The following CDH4 variants were observed in gnomAD, a reference collection of about 807,000 sequenced individuals.
The protein encoded by CDH4 is cadherin 4.
Under a neutral mutation model 86.0 loss-of-function variants are expected in CDH4, and 33 were observed. The observed-to-expected ratio is 0.38, with a 90% CI of 0.29 to 0.51. The LOEUF (loss-of-function observed/expected upper bound fraction) is 0.51, where lower values mean the gene tolerates loss of function less well. Ranked by LOEUF, CDH4 falls within the 20% of genes least tolerant of loss-of-function variation. The pLI is 0.86. For synonymous variants in CDH4, 555 were observed against 549.4 expected (o/e 1.01, Z -0.14); for missense variants, 1,114 against 1,307.4 (o/e 0.85, Z 2.28).
intron 2 of CDH4, among the ~76,000 whole-genome samples, chr20:61,700,519 C>T (rs1190275744): frequency 2.6e-5 from 4 of 152,162 alleles, no homozygotes; most frequent in Non-Finnish European, 2.9e-5. Flanking sequence ...GGGCAGGAAC[C>T]CAGAGAGGTC....
chr20:61,304,594 G>A (rs568967830), intron 2 of CDH4, among the ~76,000 whole-genome samples: 3 of 152,222 alleles, frequency 2.0e-5, no homozygotes, highest in Admixed American at 2.0e-4. Context: ...GCCTGGCTGT[G>A]CCATAACAAT....
intron 2 of CDH4, among the ~76,000 whole-genome samples, chr20:61,620,360 G>A (rs2086765923): frequency 6.7e-6 from 1 of 150,246 alleles, no homozygotes. Flanking sequence ...AGATGATGAT[G>A]ATGGATGATA....
chr20:61,686,948 G>A (rs1305761955), intron 2 of CDH4, among the ~76,000 whole-genome samples: 1 of 57,310 alleles, frequency 1.7e-5, no homozygotes, highest in African/African-American at 7.0e-5. Context: ...CCCGCCCCCC[G>A]ACCCAGCAAC....
At chr20:61,808,735 A>G (rs1980271993) in intron 4 of CDH4, among the ~76,000 whole-genome samples, 1 of 152,242 alleles carries the variant, frequency 6.6e-6, no homozygotes, top group Admixed American at 6.5e-5. Flanking sequence ...GCGTTCCTGC[A>G]TATTGTCCAG....
chr20:61,837,184 C>A (rs1390681266), intron 4 of CDH4, among the ~76,000 whole-genome samples: 1 of 152,144 alleles, frequency 6.6e-6, no homozygotes, highest in Non-Finnish European at 1.5e-5. Context: ...CAGAGCAAGA[C>A]CCTGTCTCAA....
At chr20:61,325,150 A>G (rs991419613) in intron 2 of CDH4, among the ~76,000 whole-genome samples, 3 of 152,082 alleles carry the variant, frequency 2.0e-5, no homozygotes, top group African/African-American at 7.2e-5. Flanking sequence ...CCTGACGCAC[A>G]GCCAGCCATC....
At position 61,661,414 on chromosome 20, in the gene CDH4, C is replaced by A. The variant is rs186398036; in HGVS notation, c.170-82149C>A. Reference sequence around the variant, plus strand: ...AATGTCGCAAACCAAAACTAAGTCTCTGTTAGAACAAGGTGGTGCTCTCAG... The same window carrying A: ...AATGTCGCAAACCAAAACTAAGTCTATGTTAGAACAAGGTGGTGCTCTCAG... On this transcript the variant is annotated intron_variant, in intron 2 of 15. Transcript: ENST00000614565. 3.9e-4 allele frequency among the ~76,000 whole-genome samples: 58 copies of A among 150,532 alleles called. No homozygotes were observed. The East Asian group carries it at 9.0e-3, about 23-fold the overall frequency.
chr20:61,666,832 G>A (rs527990572), intron 2 of CDH4, among the ~76,000 whole-genome samples: 1 of 152,382 alleles, frequency 6.6e-6, no homozygotes, highest in African/African-American at 2.4e-5. Context: ...GGGTGAAAGA[G>A]GCATGAATCC....
Position 61,774,150 on chromosome 20 carries a change from G to C in CDH4, c.576+968G>C, listed in dbSNP as rs567929708. Among the ~76,000 whole-genome samples the C allele has an allele frequency of 2.0e-5, 3 of 152,364 alleles. No individual in the cohort carries two copies. The South Asian group carries it at 6.2e-4, about 32-fold the overall frequency. On this transcript the variant is annotated intron_variant, in intron 4 of 15. Transcript: ENST00000614565. The stretch of plus-strand genomic sequence containing the variant: ...ATGTATCACCTGCCTTCTCTGCACA[G>C]AGCCGGCCCTCCCACCTCAGCACCC...
chr20:61,630,280 C>A (rs1273207310), intron 2 of CDH4, among the ~76,000 whole-genome samples: 3 of 152,192 alleles, frequency 2.0e-5, no homozygotes, highest in Admixed American at 1.3e-4. Context: ...CATGGCTGTA[C>A]CTGATACACC....
rs1442324555 is a variant in CDH4 at position 61,435,365 on chromosome 20, C to T, written c.169+180428C>T. Among the ~76,000 whole-genome samples, 4 of 152,356 alleles carry T rather than the reference C, an allele frequency of 2.6e-5. No homozygotes were observed. The East Asian group carries it at 7.7e-4, about 29-fold the overall frequency. ...GAGGGTTGGACCTGCACCTGTGAAACCACAGCCCTGGGGCATGGCTTCTGA... is the reference window on the plus strand; with the variant it reads ...GAGGGTTGGACCTGCACCTGTGAAATCACAGCCCTGGGGCATGGCTTCTGA... On this transcript the variant is annotated intron_variant, in intron 2 of 15. Transcript: ENST00000614565.
At chr20:61,344,501 T>C (rs755435469) in intron 2 of CDH4, among the ~76,000 whole-genome samples, 6 of 152,234 alleles carry the variant, frequency 3.9e-5, no homozygotes, top group Non-Finnish European at 7.3e-5. Flanking sequence ...AAGCAACTTA[T>C]TGAAGTTGTG....
chr20:61,814,809 T>C (rs1314779431), intron 4 of CDH4, among the ~76,000 whole-genome samples: 1 of 152,202 alleles, frequency 6.6e-6, no homozygotes, highest in East Asian at 1.9e-4. Context: ...TGGTACCATG[T>C]TGATGCCGAC....
intron 2 of CDH4, among the ~76,000 whole-genome samples, chr20:61,345,350 A>G (rs563984487): frequency 6.6e-6 from 1 of 152,390 alleles, no homozygotes; most frequent in South Asian, 2.1e-4. Flanking sequence ...GATGATGAGC[A>G]TAGTGAAACT....
intron 6 of CDH4, among the ~76,000 whole-genome samples, chr20:61,863,207 C>G (rs541010720): frequency 6.6e-6 from 1 of 152,340 alleles, no homozygotes; most frequent in South Asian, 2.1e-4. Flanking sequence ...GCTGTCTCCC[C>G]CTTTACCTGT....
At chr20:61,780,980 C>T (rs150307892) in intron 4 of CDH4, among the ~76,000 whole-genome samples, 19 of 152,290 alleles carry the variant, frequency 1.2e-4, no homozygotes, top group South Asian at 2.1e-4. Context: ...CTCCCCAGTA[C>T]GCATGTAAGC....
intron 2 of CDH4, among the ~76,000 whole-genome samples, chr20:61,644,179 C>A (rs536993347): frequency 6.6e-6 from 1 of 152,312 alleles, no homozygotes; most frequent in East Asian, 1.9e-4. Context: ...AGTGAATGAG[C>A]TGAGCTTTGC....
intron 2 of CDH4, among the ~76,000 whole-genome samples, chr20:61,406,305 C>CTCTGCCTGGACCACCATCTGCCATCTGT (rs2085081989): frequency 6.6e-6 from 1 of 150,514 alleles, no homozygotes. Flanking sequence ...CCAGCATCTG[C>CTCTGCCTGGACCACCATCTGCCATCTGT]TCTGCCTGGA....
intron 2 of CDH4, among the ~76,000 whole-genome samples, chr20:61,300,615 G>C (rs1184371152): frequency 6.6e-6 from 1 of 152,182 alleles, no homozygotes. Context: ...CGTCTCCCGG[G>C]TCTGTGTCCC....
Sources: allele counts gnomAD v4.1 joint callset (sites outside exome capture counted in the v4.1 genomes callset), GRCh38; gene constraint gnomAD v4.1.1; transcripts MANE v1.5; gene names NCBI Gene and HGNC (gene_info 2026-07-23, HGNC 2026-07-21).